The following UNC93A variants were observed in gnomAD, a reference collection of about 807,000 sequenced individuals.
UNC93A encodes the protein unc-93 homolog A, also known as N-acetylglucosamine transporter UNC93A.
Under a neutral mutation model 47.5 loss-of-function variants are expected in UNC93A, and 43 were observed. That is an observed-to-expected ratio of 0.91 (90% CI 0.71 to 1.17). UNC93A has a LOEUF of 1.17. UNC93A is among the 50% of genes most tolerant of loss of function. UNC93A has a pLI of 0.00. For synonymous variants in UNC93A, 280 were observed against 258.0 expected, an observed-to-expected ratio of 1.09 and a Z score of -0.82; for missense variants, 605 against 577.6, an observed-to-expected ratio of 1.05 and a Z score of -0.49.
intron 1 of UNC93A, among the ~76,000 whole-genome samples, chr6:167,272,622 G>T (rs904411918): frequency 1.3e-5 from 2 of 152,190 alleles, no homozygotes; most frequent in Admixed American, 1.3e-4. Flanking sequence ...GTTTGGTCCA[G>T]TAAGGTGGGA....
At chr6:167,310,914 A>C (rs952896886) in intron 7 of UNC93A, among the ~76,000 whole-genome samples, 2 of 152,182 alleles carry the variant, frequency 1.3e-5, no homozygotes, top group African/African-American at 4.8e-5. Context: ...ATTTTCATAT[A>C]CTTGAGAAGC....
chr6:167,309,889 C>A (rs1279560362), intron 7 of UNC93A, among the ~76,000 whole-genome samples: 9 of 152,136 alleles, frequency 5.9e-5, no homozygotes, highest in Non-Finnish European at 1.2e-4. Context: ...GTGTACTTGG[C>A]CCAGCGCCAC....
At chr6:167,309,330 G>A (rs916045419) in intron 7 of UNC93A, among the ~76,000 whole-genome samples, 3 of 152,160 alleles carry the variant, frequency 2.0e-5, no homozygotes, top group Admixed American at 1.3e-4. Context: ...GCCGCTTGCC[G>A]GAGGGTGTGC....
intron 1 of UNC93A, among the ~76,000 whole-genome samples, chr6:167,272,995 A>C (rs1783474025): frequency 1.3e-5 from 2 of 149,204 alleles, no homozygotes; most frequent in South Asian, 4.3e-4. Context: ...GAGGAGGTTC[A>C]TTCAGATGGT....
At chr6:167,301,401 A>G (rs1778236596) in intron 4 of UNC93A, among the ~76,000 whole-genome samples, 1 of 152,222 alleles carries the variant, frequency 6.6e-6, no homozygotes. Flanking sequence ...CCTTTTCTAT[A>G]AAGCAAGACC....
At chr6:167,277,906 C>T (rs138784090) in intron 1 of UNC93A, among the ~76,000 whole-genome samples, 1 of 152,078 alleles carries the variant, frequency 6.6e-6, no homozygotes, top group Admixed American at 6.5e-5. Flanking sequence ...GCTGACTTTC[C>T]TGTCCTCCCA....
At chr6:167,302,806 G>T (rs1248143775) in intron 4 of UNC93A, among the ~76,000 whole-genome samples, 1 of 152,138 alleles carries the variant, frequency 6.6e-6, no homozygotes, top group Non-Finnish European at 1.5e-5. Context: ...CATTTTGTGT[G>T]GCTTCAGTGA....
chr6:167,274,204 T>C (rs138683348), intron 1 of UNC93A, among the ~76,000 whole-genome samples: 1,088 of 152,284 alleles, frequency 7.1e-3, no homozygotes, highest in Non-Finnish European at 0.012. Context: ...CCAATGAGGC[T>C]TTGTGGTTTG....
chr6:167,306,139 G>T, intron 6 of UNC93A, 89 bp downstream of exon 6: 2 of 1,570,452 alleles, frequency 1.3e-6, no homozygotes, highest in Non-Finnish European at 8.7e-7. Context: ...GGCTGGAAAA[G>T]TGCCCCTGAA....
chr6:167,291,212 AATG>A (rs1783833417), upstream of UNC93A: 2 of 301,054 alleles, frequency 6.6e-6, no homozygotes, highest in African/African-American at 4.3e-5. Context: ...TGGTAAGAGT[AATG>A]ATCTTTTGCC....
upstream of UNC93A, among the ~76,000 whole-genome samples, chr6:167,269,730 C>A (rs1189583861): frequency 6.6e-6 from 1 of 152,074 alleles, no homozygotes; most frequent in Non-Finnish European, 1.5e-5. Context: ...CCTCAGCCTT[C>A]CCAGTAGCTG....
chr6:167,297,902 A>G (rs1326406561), intron 3 of UNC93A, 43 bp from the exon 4 acceptor site: 2 of 1,604,186 alleles, frequency 1.2e-6, no homozygotes, highest in Admixed American at 1.7e-5. Context: ...ATCTTGTCAC[A>G]TTTGCCGTCA....
At chr6:167,273,726 G>A (rs139088259) in intron 1 of UNC93A, among the ~76,000 whole-genome samples, 2 of 152,172 alleles carry the variant, frequency 1.3e-5, no homozygotes, top group Non-Finnish European at 2.9e-5. Context: ...CAGTTCAGAC[G>A]GGAAAGGTGG....
intron 4 of UNC93A, among the ~76,000 whole-genome samples, chr6:167,300,379 C>T (rs767847496): frequency 1.3e-5 from 2 of 152,162 alleles, no homozygotes; most frequent in Non-Finnish European, 2.9e-5. Context: ...GAAAACCAAA[C>T]CAGGGTCTTG....
At chr6:167,303,793 G>A (rs916901037) in intron 4 of UNC93A, 126 bp from the exon 5 acceptor site, 15 of 846,844 alleles carry the variant, frequency 1.8e-5, no homozygotes, top group Non-Finnish European at 2.5e-5. Context: ...GTCTAATGTC[G>A]CCTGAAATCT....
At chr6:167,299,296 C>A (rs1308683210) in intron 4 of UNC93A, among the ~76,000 whole-genome samples, 3 of 151,898 alleles carry the variant, frequency 2.0e-5, no homozygotes, top group Admixed American at 6.6e-5. Flanking sequence ...AGGCCTGGCA[C>A]CTGTGAGCTC....
upstream of UNC93A, among the ~76,000 whole-genome samples, chr6:167,288,816 A>C (rs541055992): frequency 1.3e-5 from 2 of 152,332 alleles, no homozygotes; most frequent in East Asian, 3.9e-4. Context: ...TGGTGAACTC[A>C]GCCGTAGCAA....
Position 167,294,640 on chromosome 6 carries a change from A to G in UNC93A, c.211A>G (p.Ile71Val). ...CGAGAGGCTGGGCTGCAAGGGGACC[A>G]TCATCCTCTCCATGTGTGGCTACGT... ...LIERLGCKGT[I>V]ILSMCGYVAF... Residue 71 changes from isoleucine to valine, a missense_variant, in exon 2 of 8, where the codon ATC (isoleucine) becomes GTC (valine). Ile to Val is a conservative substitution (Grantham distance 29). Transcript: ENST00000230256. The G allele has an allele frequency of 1.9e-6, 3 of 1,613,086 alleles. No individual in the cohort carries two copies. Among genetic ancestry groups the G allele is most frequent in the Non-Finnish European group, 2.5e-6 (3 of 1,179,394 alleles).
upstream of UNC93A, among the ~76,000 whole-genome samples, chr6:167,270,332 C>T (rs1040903575): frequency 2.6e-5 from 4 of 152,050 alleles, no homozygotes; most frequent in African/African-American, 4.8e-5. Context: ...TCATAATCAC[C>T]GATGCCATCT....
Sources: gnomAD v4.1 joint callset for allele counts (sites outside exome capture counted in the v4.1 genomes callset) on GRCh38, gnomAD v4.1.1 for gene constraint, MANE v1.5 for transcripts, NCBI Gene and HGNC (gene_info 2026-07-23, HGNC 2026-07-21) for gene names.